Variants in PHACTR1 observed in about 807,000 individuals in gnomAD.
The protein encoded by PHACTR1 is RPEL repeat containing 1.
A neutral mutation model predicts 69.2 loss-of-function variants in PHACTR1; 16 were observed. The ratio of observed to expected loss-of-function variants is 0.23; its 90% CI spans 0.16 to 0.35. The LOEUF (loss-of-function observed/expected upper bound fraction) is 0.35. PHACTR1 is among the 10% of genes least tolerant of loss of function. The pLI is 1.00. For missense variants in PHACTR1, 510 were observed against 734.7 expected (o/e 0.69, Z 3.54); for synonymous variants, 312 against 284.5 (o/e 1.10, Z -0.97).
intron 4 of PHACTR1, among the ~76,000 whole-genome samples, chr6:12,842,841 G>A (rs868319922): frequency 5.9e-5 from 9 of 152,020 alleles, no homozygotes; most frequent in Admixed American, 1.3e-4. Flanking sequence ...TACCACACCC[G>A]GCCTAAAGGT....
At chr6:13,014,304 A>T (rs1245585766) in intron 4 of PHACTR1, among the ~76,000 whole-genome samples, 2 of 152,120 alleles carry the variant, frequency 1.3e-5, no homozygotes, top group Admixed American at 6.5e-5. Context: ...CACTTTGCAG[A>T]GTGCCACCCA....
chr6:12,923,752 A>G (rs1787966746), intron 4 of PHACTR1, among the ~76,000 whole-genome samples: 1 of 152,174 alleles, frequency 6.6e-6, no homozygotes. Context: ...TTCCCTTTGC[A>G]ATTGATTTTA....
chr6:13,243,702 A>G (rs1472651398), intron 10 of PHACTR1, among the ~76,000 whole-genome samples: 1 of 152,334 alleles, frequency 6.6e-6, no homozygotes, highest in Non-Finnish European at 1.5e-5. Flanking sequence ...TAATAAGCAT[A>G]GTACCTGATA....
At chr6:12,901,504 G>A (rs1411301208) in intron 4 of PHACTR1, among the ~76,000 whole-genome samples, 2 of 152,120 alleles carry the variant, frequency 1.3e-5, no homozygotes, top group Non-Finnish European at 2.9e-5. Flanking sequence ...TTTTTGGTTT[G>A]TTTGTTTTGA....
intron 4 of PHACTR1, among the ~76,000 whole-genome samples, chr6:12,785,675 C>T (rs1223498285): frequency 6.6e-6 from 1 of 152,144 alleles, no homozygotes; most frequent in Non-Finnish European, 1.5e-5. Flanking sequence ...GAAAATAGAT[C>T]CTTAAAGCAG....
intron 3 of PHACTR1, among the ~76,000 whole-genome samples, chr6:12,741,850 T>A (rs1211655653): frequency 1.3e-5 from 2 of 152,180 alleles, no homozygotes; most frequent in Non-Finnish European, 2.9e-5. Context: ...ATTGATGCCT[T>A]GATAATATGT....
At chr6:13,126,777 A>AAAT (rs2127957113) in intron 5 of PHACTR1, among the ~76,000 whole-genome samples, 1 of 152,376 alleles carries the variant, frequency 6.6e-6, no homozygotes, top group African/African-American at 2.4e-5. Flanking sequence ...CACAATTAGT[A>AAAT]AATGGTAGAT....
At chr6:12,867,987 C>T (rs1045594489) in intron 4 of PHACTR1, among the ~76,000 whole-genome samples, 5 of 152,110 alleles carry the variant, frequency 3.3e-5, no homozygotes, top group East Asian at 1.9e-4. Flanking sequence ...AGGCCAGGTA[C>T]GGTGGCTCAT....
In PHACTR1 at chr6:13,283,084, A is replaced by G. The variant is rs1241926123; in HGVS notation, c.1510-338A>G. 6.6e-6 allele frequency among the ~76,000 whole-genome samples: 1 copy of G among 152,170 alleles called. No homozygotes were observed. Among genetic ancestry groups the G allele is most frequent in the African/African-American group, 2.4e-5 (1 of 41,434 alleles). ...GTTGATTATTGTTGAAGCTGGTGAT[A>G]ATACACCAAATTCATTACATTAGTC... On this transcript the variant is annotated intron_variant, in intron 12 of 14. Transcript: ENST00000332995. This position sits in a 1 kb window ranked among gnomAD's most constrained non-coding sequence, Gnocchi z 4.7.
chr6:12,796,808 A>G (rs184574682), intron 4 of PHACTR1, among the ~76,000 whole-genome samples: 1 of 152,322 alleles, frequency 6.6e-6, no homozygotes, highest in East Asian at 1.9e-4. Context: ...TTTTCCCATT[A>G]ATTTCCGGAG....
chr6:12,905,800 T>C (rs1021401059), intron 4 of PHACTR1, among the ~76,000 whole-genome samples: 14 of 152,214 alleles, frequency 9.2e-5, no homozygotes. Context: ...GCACCTTTTA[T>C]ACATTTAAGA....
intron 4 of PHACTR1, among the ~76,000 whole-genome samples, chr6:12,907,125 T>C (rs546001068): frequency 6.6e-6 from 1 of 152,350 alleles, no homozygotes; most frequent in Non-Finnish European, 1.5e-5. Flanking sequence ...TTCCTCTTTT[T>C]AAAGTCCTTT....
intron 4 of PHACTR1, among the ~76,000 whole-genome samples, chr6:12,969,244 A>G (rs1050594959): frequency 1.3e-5 from 2 of 152,222 alleles, no homozygotes; most frequent in Non-Finnish European, 2.9e-5. Flanking sequence ...TGCCTCTCTT[A>G]AAATCAGATA....
intron 4 of PHACTR1, among the ~76,000 whole-genome samples, chr6:12,857,279 T>C (rs1385591445): frequency 6.6e-6 from 1 of 152,116 alleles, no homozygotes; most frequent in African/African-American, 2.4e-5. Flanking sequence ...AATTTACACT[T>C]AAAGTGAGAC....
chr6:13,097,574 A>C (rs1193537060), intron 5 of PHACTR1, among the ~76,000 whole-genome samples: 1 of 152,214 alleles, frequency 6.6e-6, no homozygotes. Flanking sequence ...TTTAAAGCCG[A>C]AGAATGCCCC....
intron 3 of PHACTR1, among the ~76,000 whole-genome samples, chr6:12,726,151 A>C (rs1762763645): frequency 6.6e-6 from 1 of 152,206 alleles, no homozygotes. Flanking sequence ...CAAAAGTAAG[A>C]ATATACAGCA....
intron 4 of PHACTR1, among the ~76,000 whole-genome samples, chr6:12,964,117 A>G (rs1048183481): frequency 6.6e-6 from 1 of 152,256 alleles, no homozygotes; most frequent in African/African-American, 2.4e-5. Flanking sequence ...CAGTAAAGCA[A>G]AGCCAACTAC....
intron 5 of PHACTR1, among the ~76,000 whole-genome samples, chr6:13,126,695 T>C (rs1819587613): frequency 6.6e-6 from 1 of 152,238 alleles, no homozygotes; most frequent in African/African-American, 2.4e-5. Flanking sequence ...CCACCTTATG[T>C]GATAAATATT....
chr6:12,926,759 G>A (rs753003278), intron 4 of PHACTR1, among the ~76,000 whole-genome samples: 57 of 152,194 alleles, frequency 3.7e-4, no homozygotes, highest in African/African-American at 6.8e-4. Context: ...TTACAAATCC[G>A]TCTTACAAAT....
Sources: allele counts gnomAD v4.1 joint callset (sites outside exome capture counted in the v4.1 genomes callset), GRCh38; gene constraint gnomAD v4.1.1; non-coding constraint Gnocchi (gnomAD v3.1); transcripts MANE v1.5; gene names NCBI Gene and HGNC (gene_info 2026-07-23, HGNC 2026-07-21).